The following KCNMA1 variants were observed in gnomAD, a reference collection of about 807,000 sequenced individuals.
KCNMA1 encodes the protein potassium calcium-activated channel subfamily M alpha 1, also known as Calcium-activated potassium channel subunit alpha-1.
In KCNMA1, 29 loss-of-function variants were observed where a neutral mutation model predicts 140.0. That is an observed-to-expected ratio of 0.21 (90% CI 0.15 to 0.28). The LOEUF is 0.28. Ranked by LOEUF, KCNMA1 falls within the 10% of genes least tolerant of loss-of-function variation. KCNMA1 has a pLI of 1.00. For missense variants in KCNMA1, 880 were observed against 1,602.2 expected, an observed-to-expected ratio of 0.55 and a Z score of 7.70; for synonymous variants, 612 against 611.9, an observed-to-expected ratio of 1.00 and a Z score of 0.00.
intron 1 of KCNMA1, among the ~76,000 whole-genome samples, chr10:77,551,749 G>A (rs763472945): frequency 6.6e-6 from 1 of 152,352 alleles, no homozygotes; most frequent in South Asian, 2.1e-4. Context: ...CATGGTGTGT[G>A]TGGAGCTTGC....
intron 27 of KCNMA1, among the ~76,000 whole-genome samples, chr10:76,888,487 C>T (rs145820846): frequency 6.2e-4 from 94 of 152,202 alleles, no homozygotes; most frequent in African/African-American, 2.2e-3. Flanking sequence ...TTCTACTATG[C>T]AAGCAGGGAT....
chr10:76,900,941 G>T (rs2045017163), intron 25 of KCNMA1, among the ~76,000 whole-genome samples: 1 of 148,814 alleles, frequency 6.7e-6, no homozygotes, highest in African/African-American at 2.5e-5. Flanking sequence ...ATAATAAGTT[G>T]CTACTTGTTC....
At chr10:77,198,657 C>T (rs958627648) in intron 3 of KCNMA1, among the ~76,000 whole-genome samples, 1 of 150,256 alleles carries the variant, frequency 6.7e-6, no homozygotes, top group African/African-American at 2.4e-5. Context: ...ATTCATCAAG[C>T]TTCGCTCTAA....
At chr10:76,971,001 A>G (rs1204095508) in intron 19 of KCNMA1, 2 of 152,220 alleles carry the variant, frequency 1.3e-5, no homozygotes, top group South Asian at 2.1e-4. Context: ...ATTAGCCTGC[A>G]TCATGCTTCT....
At chr10:77,454,512 G>A (rs2097723094) in intron 1 of KCNMA1, among the ~76,000 whole-genome samples, 1 of 152,124 alleles carries the variant, frequency 6.6e-6, no homozygotes, top group Non-Finnish European at 1.5e-5. Context: ...AAATGTCTGT[G>A]GCTATCTTTA....
intron 1 of KCNMA1, among the ~76,000 whole-genome samples, chr10:77,550,461 G>A (rs1454886929): frequency 2.6e-5 from 4 of 152,174 alleles, no homozygotes; most frequent in Non-Finnish European, 4.4e-5. Flanking sequence ...TTCCTGTCTC[G>A]CTTTCTCTTT....
chr10:77,636,450 C>T (rs1394346527), intron 1 of KCNMA1: 3 of 1,536,090 alleles, frequency 2.0e-6, no homozygotes. Flanking sequence ...AAACCGCGGC[C>T]TCAGGCGGAC....
chr10:77,126,705 G>C (rs997034461), intron 5 of KCNMA1, among the ~76,000 whole-genome samples: 2 of 125,084 alleles, frequency 1.6e-5, no homozygotes, highest in African/African-American at 5.9e-5. Context: ...CCTGTCAGTG[G>C]TGGTGCCCCC....
At chr10:77,078,202 C>T (rs1346935369) in intron 13 of KCNMA1, 1 of 152,244 alleles carries the variant, frequency 6.6e-6, no homozygotes, top group African/African-American at 2.4e-5. Context: ...CGCTGTTACT[C>T]ATAACCCAGC....
chr10:77,443,416 G>C (rs1320646719), intron 1 of KCNMA1, among the ~76,000 whole-genome samples: 1 of 152,168 alleles, frequency 6.6e-6, no homozygotes, highest in African/African-American at 2.4e-5. Flanking sequence ...TTATTCTTAG[G>C]CTGGGAGTAT....
intron 19 of KCNMA1, among the ~76,000 whole-genome samples, chr10:76,995,904 A>C (rs913551318): frequency 2.0e-5 from 3 of 152,164 alleles, no homozygotes; most frequent in Non-Finnish European, 4.4e-5. Flanking sequence ...AGCTTCCCTC[A>C]TTCTGACCTT....
intron 1 of KCNMA1, among the ~76,000 whole-genome samples, chr10:77,439,127 G>GAAGAGAAGAGAAGAGAAGAGAA (rs2097333043): frequency 1.4e-5 from 2 of 145,486 alleles, no homozygotes; most frequent in Non-Finnish European, 3.0e-5. Flanking sequence ...GAAGAGAAGA[G>GAAGAGAAGAGAAGAGAAGAGAA]AAGAGAAGAG....
chr10:77,243,851 G>C (rs1383496962), intron 3 of KCNMA1, among the ~76,000 whole-genome samples: 1 of 152,262 alleles, frequency 6.6e-6, no homozygotes, highest in East Asian at 1.9e-4. Flanking sequence ...GGGAGACAGT[G>C]GGGAGGGAGA....
At chr10:77,332,970 G>T (rs892365985) in intron 2 of KCNMA1, among the ~76,000 whole-genome samples, 25 of 152,198 alleles carry the variant, frequency 1.6e-4, no homozygotes, top group African/African-American at 5.5e-4. Flanking sequence ...AAGTTCTTAG[G>T]TTATTTTCTC....
chr10:76,919,754 G>A (rs1262508895), intron 23 of KCNMA1, among the ~76,000 whole-genome samples: 1 of 151,714 alleles, frequency 6.6e-6, no homozygotes, highest in East Asian at 1.9e-4. Context: ...CAATTGTAAG[G>A]ATAAAATAAA....
chr10:76,990,568 CCT>C (rs146839629), intron 19 of KCNMA1, among the ~76,000 whole-genome samples: 2,578 of 152,276 alleles, frequency 0.017, 41 homozygotes, highest in Non-Finnish European at 0.028. Context: ...ACTTCCAGAC[CCT>C]GTGACATGAC....
chr10:77,491,854 A>C (rs930604209), intron 1 of KCNMA1, among the ~76,000 whole-genome samples: 3 of 152,138 alleles, frequency 2.0e-5, no homozygotes, highest in Non-Finnish European at 4.4e-5. Context: ...CCATTCGGTT[A>C]TTTTTAATGC....
intron 23 of KCNMA1, among the ~76,000 whole-genome samples, chr10:76,925,163 C>T (rs1227414067): frequency 2.6e-5 from 4 of 152,166 alleles, no homozygotes; most frequent in Non-Finnish European, 5.9e-5. Flanking sequence ...ATACAAATTA[C>T]TACATATTAA....
At chr10:77,213,989 C>T (rs1031794434) in intron 3 of KCNMA1, among the ~76,000 whole-genome samples, 1 of 152,096 alleles carries the variant, frequency 6.6e-6, no homozygotes, top group African/African-American at 2.4e-5. Flanking sequence ...TTGCAACGCT[C>T]CTTGTCCAGC....
Sources: gnomAD v4.1 joint callset for allele counts (sites outside exome capture counted in the v4.1 genomes callset) on GRCh38, gnomAD v4.1.1 for gene constraint, MANE v1.5 for transcripts, NCBI Gene and HGNC (gene_info 2026-07-23, HGNC 2026-07-21) for gene names.